Variants in DCLK3 observed in about 807,000 individuals in gnomAD.
DCLK3 encodes doublecortin like kinase 3, also known as serine/threonine-protein kinase DCLK3.
DCLK3 carries 30 observed loss-of-function variants against 46.4 expected under a neutral mutation model. That is an observed-to-expected ratio of 0.65 (90% CI 0.48 to 0.88). The LOEUF is 0.88. Ranked by LOEUF, DCLK3 falls within the 40% of genes least tolerant of loss-of-function variation. The probability of loss-of-function intolerance (pLI) is 0.00; values close to 1 mark genes in which losing one functional copy is unlikely to be tolerated. For synonymous variants in DCLK3, 401 were observed against 339.2 expected (o/e 1.18, Z -2.00); for missense variants, 846 against 907.1 (o/e 0.93, Z 0.87).
chr3:36,745,769 G>A (rs1018267148), intron 1 of DCLK3, among the ~76,000 whole-genome samples: 1 of 152,146 alleles, frequency 6.6e-6, no homozygotes, highest in African/African-American at 2.4e-5. Flanking sequence ...GGCTGTTTGG[G>A]AATAAACTCA....
In DCLK3 at chr3:36,714,036, C is replaced by T. The variant is rs1700943968; in HGVS notation, c.*1292G>A. 1 of 152,194 alleles carries T rather than the reference C, an allele frequency of 6.6e-6. No individual in the cohort carries two copies. Among genetic ancestry groups the T allele is most frequent in the Non-Finnish European group, 1.5e-5 (1 of 68,038 alleles). 9.4% of individuals were successfully genotyped at this position (152,194 alleles called of 1,614,324 possible). A position where few individuals can be genotyped will look rare whatever the true frequency, so the allele number is the denominator to read the frequency against. On this transcript the variant is annotated 3_prime_UTR_variant, in exon 5 of 5. Coordinates refer to ENST00000636136, the MANE Select transcript of DCLK3 (RefSeq NM_001394672.2). ...GAGTGGCATACTACAGTGTCCACTACAAGAAATTTCTCCTTCAATAGGTTC... is the reference window on the plus strand; with the variant it reads ...GAGTGGCATACTACAGTGTCCACTATAAGAAATTTCTCCTTCAATAGGTTC...
At position 36,750,385 on chromosome 3, in the gene DCLK3, T is replaced by G. The variant is rs552437344; in HGVS notation, c.83-11301A>C. ...GCATGAGCCACCACACCCGGCCTTC[T>G]TAAGTTCTTTTCAATTTATTTCTCA... On this transcript the variant is annotated intron_variant, in intron 1 of 4. Coordinates refer to ENST00000636136, the MANE Select transcript of DCLK3 (RefSeq NM_001394672.2). Among the ~76,000 whole-genome samples the G allele has an allele frequency of 7.9e-5, 12 of 152,306 alleles. No individual in the cohort carries two copies. The South Asian group carries it at 2.5e-3, about 32-fold the overall frequency.
At chr3:36,761,328 G>C (rs1231610310) in intron 1 of DCLK3, among the ~76,000 whole-genome samples, 1 of 152,136 alleles carries the variant, frequency 6.6e-6, no homozygotes, top group East Asian at 1.9e-4. Context: ...GCTATTAAAT[G>C]AATGGTGAAG....
At chr3:36,721,105 G>A (rs1371820763) in intron 3 of DCLK3, among the ~76,000 whole-genome samples, 1 of 152,110 alleles carries the variant, frequency 6.6e-6, no homozygotes, top group Admixed American at 6.5e-5. Context: ...GAGGAAAATG[G>A]GATCCTTTTC....
At chr3:36,720,714 C>T (rs771975255) in intron 3 of DCLK3, among the ~76,000 whole-genome samples, 4 of 152,100 alleles carry the variant, frequency 2.6e-5, no homozygotes, top group African/African-American at 4.8e-5. Context: ...ACCATGTTGG[C>T]CAGGATGGTT....
intron 1 of DCLK3, among the ~76,000 whole-genome samples, chr3:36,761,746 C>T (rs1054240057): frequency 3.3e-5 from 5 of 152,222 alleles, no homozygotes; most frequent in Non-Finnish European, 4.4e-5. Context: ...GTAACCTCAC[C>T]GTCAAGACAA....
intron 1 of DCLK3, among the ~76,000 whole-genome samples, chr3:36,762,964 G>C (rs1701552388): frequency 6.6e-6 from 1 of 151,632 alleles, no homozygotes; most frequent in South Asian, 2.1e-4. Context: ...CTTCCTGAGG[G>C]TCTTGCTTCT....
intron 1 of DCLK3, among the ~76,000 whole-genome samples, chr3:36,744,756 C>A (rs369076895): frequency 5.9e-5 from 9 of 152,326 alleles, no homozygotes; most frequent in African/African-American, 2.2e-4. Flanking sequence ...TGTGACCCAG[C>A]AGGATGCATT....
intron 2 of DCLK3, among the ~76,000 whole-genome samples, chr3:36,727,833 G>T (rs541150636): frequency 6.6e-6 from 1 of 152,138 alleles, no homozygotes; most frequent in African/African-American, 2.4e-5. Flanking sequence ...ATTTAAGGTC[G>T]CACACTGTCT....
chr3:36,764,309 G>A lies in DCLK3; in HGVS notation c.-46C>T. On this transcript the variant is annotated 5_prime_UTR_variant, in exon 1 of 5. Coordinates refer to ENST00000636136, the MANE Select transcript of DCLK3 (RefSeq NM_001394672.2). The surrounding 1 kb of genome is among the most constrained non-coding windows in gnomAD (Gnocchi z 4.9). Reference sequence around the variant, plus strand: ...GAGAGCCTGGAGCAGAGGTGGCAGCGCGGGGACGCGGCTCGACGGTCGAGC... The same window carrying A: ...GAGAGCCTGGAGCAGAGGTGGCAGCACGGGGACGCGGCTCGACGGTCGAGC... 4.6e-6 allele frequency: 1 copy of A among 216,810 alleles called. No homozygotes were observed. The highest frequency in any genetic ancestry group is 1.1e-4 in the East Asian group (1 of 9,450). The allele number at this position is 216,810 out of a possible 1,614,324, so 13.4% of individuals were successfully genotyped here. A position where few individuals can be genotyped will look rare whatever the true frequency, so the allele number is the denominator to read the frequency against.
chr3:36,738,442 A>C lies in DCLK3; in HGVS notation c.725T>G (p.Met242Arg). Residue 242 changes from methionine to arginine, a missense_variant, in exon 2 of 5, where the codon ATG (methionine) becomes AGG (arginine). By Grantham distance (91) the Met-to-Arg change is moderately conservative. Coordinates refer to ENST00000636136, the MANE Select transcript of DCLK3 (RefSeq NM_001394672.2). ...CSEVAGCKAA[M>R]RHQGKIPEEL... Reference sequence around the variant, plus strand: ...CTCGGGGATCTTCCCCTGGTGCCTCATGGCTGCCTTGCATCCTGCAACTTC... The same window carrying C: ...CTCGGGGATCTTCCCCTGGTGCCTCCTGGCTGCCTTGCATCCTGCAACTTC... The C allele has an allele frequency of 6.8e-7, 1 of 1,465,110 alleles. No individual in the cohort carries two copies. The highest frequency in any genetic ancestry group is 9.0e-7 in the Non-Finnish European group (1 of 1,108,782). The allele number at this position is 1,465,110 out of a possible 1,614,324, so 90.8% of individuals were successfully genotyped here. A position where few individuals can be genotyped will look rare whatever the true frequency, so the allele number is the denominator to read the frequency against.
chr3:36,760,754 C>A (rs539634400), intron 1 of DCLK3, among the ~76,000 whole-genome samples: 1 of 152,316 alleles, frequency 6.6e-6, no homozygotes, highest in South Asian at 2.1e-4. Context: ...ATTCATATGT[C>A]CAGCAATATT....
At chr3:36,725,448 C>T (rs1376147921) in intron 2 of DCLK3, among the ~76,000 whole-genome samples, 1 of 152,124 alleles carries the variant, frequency 6.6e-6, no homozygotes, top group Non-Finnish European at 1.5e-5. Context: ...GAGACCCCAC[C>T]TCTACAAATA....
Position 36,721,552 on chromosome 3 carries a change from T to A in DCLK3, c.2067A>T (p.Val689=), listed in dbSNP as rs372294157. ...CTTTCTCAGAAAGAATTTCGGGAGC[T>A]ACGTAAGTTGGGGTCCCACACACAG... ...IFTVCGTPTY[V]APEILSEKGY... is the part of the protein sequence containing the mutation. The change falls in exon 3 of 5, where the codon GTA becomes GTT. Residue 689 remains valine (V), a synonymous_variant. Transcript: ENST00000636136. 1.2e-4 allele frequency: 190 copies of A among 1,613,514 alleles called. No individual in the cohort carries two copies. Among genetic ancestry groups the A allele is most frequent in the Non-Finnish European group, 1.6e-4 (185 of 1,179,550 alleles).
At chr3:36,758,168 G>T (rs1701505020) in intron 1 of DCLK3, among the ~76,000 whole-genome samples, 2 of 152,264 alleles carry the variant, frequency 1.3e-5, no homozygotes, top group African/African-American at 4.8e-5. Context: ...ACCTATCTTA[G>T]GAGGGTCCAT....
intron 2 of DCLK3, among the ~76,000 whole-genome samples, chr3:36,723,852 G>A (rs140153613): frequency 0.016 from 2,380 of 152,256 alleles, 49 homozygotes; most frequent in African/African-American, 0.046. Flanking sequence ...ATGTGGGGTC[G>A]GATCCCCCAA....
chr3:36,757,825 T>TCAA (rs779534598), intron 1 of DCLK3, among the ~76,000 whole-genome samples: 9 of 146,954 alleles, frequency 6.1e-5, no homozygotes, highest in Non-Finnish European at 1.4e-4. Flanking sequence ...AGACCAAGAG[T>TCAA]CATCCCTGAC....
chr3:36,715,205 T>G lies in DCLK3; in HGVS notation c.*123A>C. The G allele has an allele frequency of 2.8e-6, 3 of 1,055,104 alleles. No homozygotes were observed. In the South Asian group the frequency reaches 5.6e-5, roughly 20 times the overall value. The allele number at this position is 1,055,104 out of a possible 1,614,324, so 65.4% of individuals were successfully genotyped here. On this transcript the variant is annotated 3_prime_UTR_variant, in exon 5 of 5. Transcript: ENST00000636136. ...TTAATATGCTTTAAAATATACTCAG[T>G]GTCTCTCCCTCTGATTCACCAATTA...
chr3:36,738,437 G>A lies in DCLK3; in HGVS notation c.730C>T (p.His244Tyr). 1 of 1,475,784 alleles carries A rather than the reference G, an allele frequency of 6.8e-7. No individual in the cohort carries two copies. Among genetic ancestry groups the A allele is most frequent in the Non-Finnish European group, 9.0e-7 (1 of 1,114,276 alleles). 91.4% of individuals were successfully genotyped at this position (1,475,784 alleles called of 1,614,324 possible). A position where few individuals can be genotyped will look rare whatever the true frequency, so the allele number is the denominator to read the frequency against. Residue 244 changes from histidine to tyrosine, a missense_variant, in exon 2 of 5, where the codon CAC becomes TAC. Physicochemically the swap from His to Tyr is moderately conservative, Grantham distance 83. Coordinates refer to ENST00000636136, the MANE Select transcript of DCLK3 (RefSeq NM_001394672.2). ...AGCTCCTCGGGGATCTTCCCCTGGTGCCTCATGGCTGCCTTGCATCCTGCA... is the reference window on the plus strand; with the variant it reads ...AGCTCCTCGGGGATCTTCCCCTGGTACCTCATGGCTGCCTTGCATCCTGCA... Reference protein sequence around the residue: ...EVAGCKAAMRHQGKIPEELSL... With the variant: ...EVAGCKAAMRYQGKIPEELSL...
Sources: allele counts gnomAD v4.1 joint callset (sites outside exome capture counted in the v4.1 genomes callset), GRCh38; gene constraint gnomAD v4.1.1; non-coding constraint Gnocchi (gnomAD v3.1); transcripts MANE v1.5; gene names NCBI Gene and HGNC (gene_info 2026-07-23, HGNC 2026-07-21).